Variants in RABGAP1L observed in about 807,000 individuals in gnomAD.
The protein encoded by RABGAP1L is RAB GTPase activating protein 1 like.
In RABGAP1L, 63 loss-of-function variants were observed where a neutral mutation model predicts 137.7. The ratio of observed to expected loss-of-function variants is 0.46; its 90% CI spans 0.37 to 0.56. RABGAP1L has a LOEUF of 0.56. Among genes scored for constraint, RABGAP1L ranks in the 20% least tolerant of loss-of-function variants. The pLI is 0.00. For missense variants in RABGAP1L, 1,095 were observed against 1,244.0 expected, an observed-to-expected ratio of 0.88 and a Z score of 1.80; for synonymous variants, 431 against 433.7, an observed-to-expected ratio of 0.99 and a Z score of 0.08.
intron 19 of RABGAP1L, among the ~76,000 whole-genome samples, chr1:174,891,243 A>G (rs1413068151): frequency 6.6e-6 from 1 of 152,220 alleles, no homozygotes; most frequent in Non-Finnish European, 1.5e-5. Context: ...GAAAGATGGC[A>G]CAAGAGGATT....
chr1:174,784,147 G>C (rs1687272554), intron 18 of RABGAP1L, among the ~76,000 whole-genome samples: 1 of 149,470 alleles, frequency 6.7e-6, no homozygotes, highest in African/African-American at 2.5e-5. Context: ...AGCCTCCCGA[G>C]TAGCTGGGAC....
At chr1:174,677,197 C>T (rs1444917061) in intron 14 of RABGAP1L, among the ~76,000 whole-genome samples, 1 of 149,616 alleles carries the variant, frequency 6.7e-6, no homozygotes, top group African/African-American at 2.5e-5. Flanking sequence ...TGGCATGTGC[C>T]TGTAGCCCCA....
chr1:174,535,707 C>A (rs974077984), intron 13 of RABGAP1L, among the ~76,000 whole-genome samples: 1 of 152,004 alleles, frequency 6.6e-6, no homozygotes, highest in Non-Finnish European at 1.5e-5. Flanking sequence ...ACATTCAGTT[C>A]CTAAAAGATT....
intron 11 of RABGAP1L, among the ~76,000 whole-genome samples, chr1:174,349,690 C>T (rs1298324696): frequency 7.3e-6 from 1 of 136,738 alleles, no homozygotes; most frequent in Non-Finnish European, 1.6e-5. Flanking sequence ...GGGGCTGACA[C>T]CCCCACCTCC....
intron 14 of RABGAP1L, among the ~76,000 whole-genome samples, chr1:174,648,196 C>G (rs1447647985): frequency 6.6e-6 from 1 of 151,928 alleles, no homozygotes; most frequent in Non-Finnish European, 1.5e-5. Flanking sequence ...TTTTTCATGT[C>G]TATCTCCTTC....
chr1:174,449,292 TG>T (rs1655162301), intron 13 of RABGAP1L: 1 of 1,060,346 alleles, frequency 9.4e-7, no homozygotes, highest in African/African-American at 1.6e-5. Flanking sequence ...AATATTTACT[TG>T]AATAGTTGAC....
chr1:174,680,504 T>C (rs373665211), intron 14 of RABGAP1L, among the ~76,000 whole-genome samples: 32 of 152,312 alleles, frequency 2.1e-4, no homozygotes, highest in Admixed American at 1.4e-3. Context: ...ATAAGCTAAT[T>C]AGTCTGTGGT....
intron 11 of RABGAP1L, among the ~76,000 whole-genome samples, chr1:174,344,514 G>A (rs1682270803): frequency 6.6e-6 from 1 of 152,176 alleles, no homozygotes; most frequent in East Asian, 1.9e-4. Context: ...AAATGATTTA[G>A]TGATTACCTT....
At chr1:174,214,905 A>G (rs1198903860) in intron 1 of RABGAP1L, among the ~76,000 whole-genome samples, 4 of 152,176 alleles carry the variant, frequency 2.6e-5, no homozygotes, top group Admixed American at 6.5e-5. Context: ...TTATTGGGAA[A>G]CTCTCCAGGA....
In RABGAP1L at chr1:174,513,845, A is replaced by G. The variant is rs73040897; in HGVS notation, c.1710+119700A>G. ...GATAAATTTCTTTAAAATGTATAGT[A>G]CAAATAACATCTTTGTTAGATCTGT... On this transcript the variant is annotated intron_variant, in intron 13 of 25. Transcript: ENST00000681986. 5.3e-3 allele frequency among the ~76,000 whole-genome samples: 808 copies of G among 152,308 alleles called. 10 individuals carry two copies. The highest frequency in any genetic ancestry group is 0.018 in the African/African-American group (763 of 41,570).
At chr1:174,667,734 C>G (rs1199425684) in intron 14 of RABGAP1L, among the ~76,000 whole-genome samples, 1 of 152,154 alleles carries the variant, frequency 6.6e-6, no homozygotes, top group African/African-American at 2.4e-5. Context: ...AACTCTATTT[C>G]CTGTGCTATG....
chr1:174,515,628 A>C (rs1262131031), intron 13 of RABGAP1L, among the ~76,000 whole-genome samples: 1 of 152,188 alleles, frequency 6.6e-6, no homozygotes, highest in Non-Finnish European at 1.5e-5. Flanking sequence ...TTATTGCTAC[A>C]ACCATACTTA....
intron 1 of RABGAP1L, among the ~76,000 whole-genome samples, chr1:174,184,433 T>C (rs547340214): frequency 6.6e-6 from 1 of 152,304 alleles, no homozygotes; most frequent in Admixed American, 6.5e-5. Flanking sequence ...TGGGGTCATA[T>C]GGTAAGACTG....
At chr1:174,546,753 G>A (rs189449666) in intron 13 of RABGAP1L, among the ~76,000 whole-genome samples, 78 of 152,212 alleles carry the variant, frequency 5.1e-4, no homozygotes, top group Non-Finnish European at 6.3e-4. Flanking sequence ...GCAGTTGGCC[G>A]GGCGCGGTGG....
chr1:174,460,514 C>T (rs1269014979), intron 13 of RABGAP1L, among the ~76,000 whole-genome samples: 1 of 151,894 alleles, frequency 6.6e-6, no homozygotes, highest in Non-Finnish European at 1.5e-5. Flanking sequence ...TGTTTATGAA[C>T]ATTTTTATAA....
At chr1:174,407,742 A>T (rs563100941) in intron 13 of RABGAP1L, among the ~76,000 whole-genome samples, 11 of 152,258 alleles carry the variant, frequency 7.2e-5, no homozygotes, top group Non-Finnish European at 1.3e-4. Context: ...TTTTCTTGTA[A>T]TGTGACTTTT....
intron 11 of RABGAP1L, among the ~76,000 whole-genome samples, chr1:174,335,812 G>A (rs146163028): frequency 1.3e-5 from 2 of 152,158 alleles, no homozygotes; most frequent in African/African-American, 4.8e-5. Flanking sequence ...GGGCATATTT[G>A]TGTATTAATT....
intron 13 of RABGAP1L, among the ~76,000 whole-genome samples, chr1:174,614,799 A>G (rs1671638599): frequency 6.6e-6 from 1 of 151,716 alleles, no homozygotes. Flanking sequence ...TTTTCTCTAA[A>G]CTTCCCTTCT....
intron 11 of RABGAP1L, among the ~76,000 whole-genome samples, chr1:174,319,284 C>T (rs969196874): frequency 1.3e-5 from 2 of 151,974 alleles, no homozygotes; most frequent in Admixed American, 6.6e-5. Flanking sequence ...TTAAGTACTT[C>T]TTGTTATTAA....
Sources: gnomAD v4.1 joint callset for allele counts (sites outside exome capture counted in the v4.1 genomes callset) on GRCh38, gnomAD v4.1.1 for gene constraint, MANE v1.5 for transcripts, NCBI Gene and HGNC (gene_info 2026-07-23, HGNC 2026-07-21) for gene names.